Variants in PCCA observed in about 807,000 individuals in gnomAD.
The protein encoded by PCCA is propionyl-CoA carboxylase alpha chain, mitochondrial.
PCCA carries 74 observed loss-of-function variants against 101.3 expected under a neutral mutation model. The observed-to-expected ratio is 0.73, with a 90% CI of 0.61 to 0.89. PCCA has a LOEUF of 0.89. PCCA is among the 40% of genes least tolerant of loss of function. PCCA has a pLI of 0.00. For missense variants in PCCA, 891 were observed against 907.0 expected, an observed-to-expected ratio of 0.98 and a Z score of 0.23; for synonymous variants, 294 against 313.6, an observed-to-expected ratio of 0.94 and a Z score of 0.66.
chr13:100,391,268 A>G (rs1035783151), intron 19 of PCCA, among the ~76,000 whole-genome samples: 1 of 152,142 alleles, frequency 6.6e-6, no homozygotes, highest in South Asian at 2.1e-4. Flanking sequence ...CACCACACCC[A>G]GCCTCTGTTC....
intron 18 of PCCA, among the ~76,000 whole-genome samples, chr13:100,344,122 T>A (rs1172199309): frequency 6.6e-6 from 1 of 152,154 alleles, no homozygotes; most frequent in Non-Finnish European, 1.5e-5. Flanking sequence ...GTAAATTATA[T>A]CTTAATGCAA....
chr13:100,213,988 G>A (rs373839140), intron 7 of PCCA, among the ~76,000 whole-genome samples: 8 of 152,250 alleles, frequency 5.3e-5, no homozygotes, highest in East Asian at 1.9e-4. Flanking sequence ...TGAAGAGACC[G>A]TCCTTTCCCT....
intron 4 of PCCA, among the ~76,000 whole-genome samples, chr13:100,147,585 G>A (rs2052736910): frequency 6.6e-6 from 1 of 152,164 alleles, no homozygotes; most frequent in African/African-American, 2.4e-5. Context: ...TCAGAAAGAT[G>A]TATTCAGAAA....
At chr13:100,153,484 A>C (rs1566590986) in intron 4 of PCCA, among the ~76,000 whole-genome samples, 1 of 152,200 alleles carries the variant, frequency 6.6e-6, no homozygotes, top group African/African-American at 2.4e-5. Flanking sequence ...AGTTTAAACA[A>C]AGACTTAAAT....
chr13:100,359,159 C>T (rs1055294044), intron 18 of PCCA, among the ~76,000 whole-genome samples: 8 of 150,770 alleles, frequency 5.3e-5, no homozygotes, highest in African/African-American at 1.7e-4. Context: ...AAGACAGCCT[C>T]GGTGACTTGT....
Position 100,513,114 on chromosome 13 carries a change from C to T in PCCA, c.1900-2313C>T, listed in dbSNP as rs1308609199. 2.0e-5 allele frequency among the ~76,000 whole-genome samples: 3 copies of T among 152,316 alleles called. No individual in the cohort carries two copies. The South Asian group carries it at 6.2e-4, about 32-fold the overall frequency. On this transcript the variant is annotated intron_variant, in intron 21 of 23. Coordinates refer to ENST00000376285, the MANE Select transcript of PCCA (RefSeq NM_000282.4). ...TTGGGCCCCATCCCGGCACGCGCCC[C>T]GTGCAGCACAGCACAGGCCAGCTGA... is the stretch of plus-strand genomic sequence containing the variant.
At chr13:100,415,440 CT>C (rs2078304258) in intron 19 of PCCA, among the ~76,000 whole-genome samples, 1 of 152,048 alleles carries the variant, frequency 6.6e-6, no homozygotes, top group African/African-American at 2.4e-5. Flanking sequence ...ATGTACAGAT[CT>C]TTTTCCACAG....
intron 15 of PCCA, among the ~76,000 whole-genome samples, chr13:100,308,660 C>G (rs1190042835): frequency 6.6e-6 from 1 of 151,988 alleles, no homozygotes; most frequent in African/African-American, 2.4e-5. Flanking sequence ...AAATTTAGGT[C>G]TTTTGTTTAT....
intron 4 of PCCA, chr13:100,150,659 G>C (rs2053200390): frequency 7.2e-7 from 1 of 1,397,188 alleles, no homozygotes; most frequent in Non-Finnish European, 1.0e-6. Flanking sequence ...TTAGGTGTCA[G>C]GATTTCTTCT....
chr13:100,358,131 G>T (rs538056325), intron 18 of PCCA, among the ~76,000 whole-genome samples: 94 of 152,308 alleles, frequency 6.2e-4, no homozygotes, highest in African/African-American at 2.2e-3. Flanking sequence ...ACTGTTTCTG[G>T]AATAAATGGT....
chr13:100,180,980 A>T (rs979857147), intron 6 of PCCA, among the ~76,000 whole-genome samples: 2 of 152,174 alleles, frequency 1.3e-5, no homozygotes, highest in African/African-American at 4.8e-5. Context: ...GGATTCCTGG[A>T]AAAGGAACCT....
chr13:100,264,216 C>CTCATATATATGTGATATCTGTATA (rs1458586257), intron 10 of PCCA, among the ~76,000 whole-genome samples: 6 of 103,492 alleles, frequency 5.8e-5, no homozygotes, highest in East Asian at 4.3e-4. Flanking sequence ...ATATCTGTAT[C>CTCATATATATGTGATATCTGTATA]TCATATATAT....
At chr13:100,344,969 A>T (rs1241963837) in intron 18 of PCCA, among the ~76,000 whole-genome samples, 1 of 152,084 alleles carries the variant, frequency 6.6e-6, no homozygotes, top group East Asian at 1.9e-4. Context: ...GGTGCCACAA[A>T]CCATGCACGT....
At position 100,177,381 on chromosome 13, in the gene PCCA, A is replaced by G. The variant is rs115906481; in HGVS notation, c.468+20041A>G. Reference sequence around the variant, plus strand: ...TTTTGTAGACCTTTTTCAATTACTGACAAATTGTGTCTTGCATAATGAAAA... The same window carrying G: ...TTTTGTAGACCTTTTTCAATTACTGGCAAATTGTGTCTTGCATAATGAAAA... On this transcript the variant is annotated intron_variant, in intron 6 of 23. Coordinates refer to ENST00000376285, the MANE Select transcript of PCCA (RefSeq NM_000282.4). Among the ~76,000 whole-genome samples, 672 of 152,332 alleles carry G rather than the reference A, an allele frequency of 4.4e-3. 3 individuals are homozygous for G. The highest frequency in any genetic ancestry group is 0.015 in the African/African-American group (631 of 41,572).
intron 19 of PCCA, among the ~76,000 whole-genome samples, chr13:100,383,280 C>T (rs2076328282): frequency 6.6e-6 from 1 of 151,890 alleles, no homozygotes; most frequent in Non-Finnish European, 1.5e-5. Context: ...GCATGAGCCA[C>T]CGTGCCCAGC....
At chr13:100,232,355 T>TGCGTGTGC (rs1240181267) in intron 7 of PCCA, among the ~76,000 whole-genome samples, 1 of 143,624 alleles carries the variant, frequency 7.0e-6, no homozygotes. Flanking sequence ...TGTATGCGTG[T>TGCGTGTGC]GTGTGTGTGT....
intron 4 of PCCA, among the ~76,000 whole-genome samples, chr13:100,122,432 G>A (rs562191240): frequency 2.6e-5 from 4 of 152,190 alleles, no homozygotes; most frequent in Non-Finnish European, 5.9e-5. Context: ...ATGTCTGGTA[G>A]AAATCACCAG....
chr13:100,214,042 T>C (rs2059375859), intron 7 of PCCA, among the ~76,000 whole-genome samples: 2 of 152,168 alleles, frequency 1.3e-5, no homozygotes, highest in Admixed American at 6.5e-5. Context: ...TCACTATAGA[T>C]ATATGGATTT....
intron 8 of PCCA, among the ~76,000 whole-genome samples, chr13:100,254,174 C>A (rs1274108634): frequency 6.6e-6 from 1 of 152,034 alleles, no homozygotes; most frequent in Non-Finnish European, 1.5e-5. Flanking sequence ...CTCATGAGAA[C>A]TCACTCACTA....
Sources: gnomAD v4.1 joint callset for allele counts (sites outside exome capture counted in the v4.1 genomes callset) on GRCh38, gnomAD v4.1.1 for gene constraint, MANE v1.5 for transcripts, NCBI Gene and HGNC (gene_info 2026-07-23, HGNC 2026-07-21) for gene names.